The following FRMPD1 variants were observed in gnomAD, a reference collection of about 807,000 sequenced individuals.
The protein encoded by FRMPD1 is FERM and PDZ domain-containing protein 1.
A neutral mutation model predicts 117.8 loss-of-function variants in FRMPD1; 76 were observed. That is an observed-to-expected ratio of 0.65 (90% CI 0.54 to 0.78). The LOEUF is 0.78. FRMPD1 is among the 30% of genes least tolerant of loss of function. The pLI, the probability that FRMPD1 is intolerant of heterozygous loss-of-function variation, is 0.00. For synonymous variants in FRMPD1, 783 were observed against 770.4 expected, an observed-to-expected ratio of 1.02 and a Z score of -0.27; for missense variants, 1,786 against 1,964.5, an observed-to-expected ratio of 0.91 and a Z score of 1.72.
chr9:37,745,168 T>C lies in FRMPD1; in HGVS notation c.3136T>C (p.Leu1046=), dbSNP rs751118932. 4 of 1,614,008 alleles carry C rather than the reference T, an allele frequency of 2.5e-6. No individual in the cohort carries two copies. The highest frequency in any genetic ancestry group is 2.7e-5 in the African/African-American group (2 of 75,044). Residue 1046 remains leucine (L), a synonymous_variant, in exon 16 of 16, where the codon TTG becomes CTG. Coordinates refer to ENST00000377765, the MANE Select transcript of FRMPD1 (RefSeq NM_014907.3). ...TCAAGGAGACACACTAGAGCTCCAGTTGGAGCCCCATGTCCAGTTGGAAAT... is the reference window on the plus strand; with the variant it reads ...TCAAGGAGACACACTAGAGCTCCAGCTGGAGCCCCATGTCCAGTTGGAAAT... The part of the protein sequence containing the change: ...VSQGDTLELQ[L]EPHVQLEMGL...
intron 6 of FRMPD1, among the ~76,000 whole-genome samples, chr9:37,722,015 C>A (rs1823420361): frequency 6.6e-6 from 1 of 152,068 alleles, no homozygotes; most frequent in Non-Finnish European, 1.5e-5. Flanking sequence ...TCTTTGTAAA[C>A]CTTTTAAATC....
At chr9:37,654,881 A>G (rs1042068430) in intron 1 of FRMPD1, among the ~76,000 whole-genome samples, 2 of 152,216 alleles carry the variant, frequency 1.3e-5, no homozygotes, top group Non-Finnish European at 2.9e-5. Context: ...TTTCACTTGC[A>G]GGATCAGGCC....
chr9:37,630,528 G>A, the FRMPD1 span, among the ~76,000 whole-genome samples: 1 of 151,994 alleles, frequency 6.6e-6, no homozygotes, highest in African/African-American at 2.4e-5. Flanking sequence ...TTACAGGCTT[G>A]GGCCACCAGT....
chr9:37,708,853 G>A (rs1030289682), intron 4 of FRMPD1, among the ~76,000 whole-genome samples: 2 of 152,174 alleles, frequency 1.3e-5, no homozygotes, highest in African/African-American at 4.8e-5. Context: ...TGTAACATAT[G>A]CCAAAGATTG....
intron 6 of FRMPD1, among the ~76,000 whole-genome samples, chr9:37,721,367 A>T (rs1017568759): frequency 6.6e-6 from 1 of 152,238 alleles, no homozygotes; most frequent in East Asian, 1.9e-4. Flanking sequence ...CCTTAGATAC[A>T]CAATCACTGT....
intron 7 of FRMPD1, among the ~76,000 whole-genome samples, chr9:37,726,084 A>G (rs1823604392): frequency 6.6e-6 from 1 of 152,256 alleles, no homozygotes; most frequent in African/African-American, 2.4e-5. Flanking sequence ...AGTTGGGGAA[A>G]TGAACAAGGA....
intron 1 of FRMPD1, among the ~76,000 whole-genome samples, chr9:37,689,644 C>A (rs2118005738): frequency 6.6e-6 from 1 of 152,286 alleles, no homozygotes; most frequent in South Asian, 2.1e-4. Flanking sequence ...TGCTGGATCT[C>A]ATTTCTTTTG....
intron 2 of FRMPD1, among the ~76,000 whole-genome samples, chr9:37,701,373 G>A (rs150476853): frequency 6.6e-6 from 1 of 152,262 alleles, no homozygotes; most frequent in African/African-American, 2.4e-5. Flanking sequence ...ACTTTGCACT[G>A]GTCTGTAGGT....
At chr9:37,666,292 G>C (rs543813721) in intron 1 of FRMPD1, among the ~76,000 whole-genome samples, 1 of 152,152 alleles carries the variant, frequency 6.6e-6, no homozygotes, top group African/African-American at 2.4e-5. Flanking sequence ...AGTGTCTACT[G>C]TGAGCAAGGC....
rs1360084790 is a variant in FRMPD1, at chr9:37,724,206, A to G, written c.517-19A>G. The G allele has an allele frequency of 8.3e-6, 11 of 1,333,058 alleles. No individual in the cohort carries two copies. Among genetic ancestry groups the G allele is most frequent in the Non-Finnish European group, 9.7e-6 (9 of 923,762 alleles). The allele number at this position is 1,333,058 out of a possible 1,614,324, so 82.6% of individuals were successfully genotyped here. On this transcript the variant is annotated intron_variant, in intron 6 of 15. Transcript: ENST00000377765. ...AATAAAAAAAGACAGGGATACAACA[A>G]TACTCTTGTGTTTTCCAGGGTAATT...
At chr9:37,713,985 C>T (rs1439196066) in intron 5 of FRMPD1, among the ~76,000 whole-genome samples, 2 of 152,176 alleles carry the variant, frequency 1.3e-5, no homozygotes, top group African/African-American at 4.8e-5. Context: ...GTGTTGTCTC[C>T]TCTCTGTATT....
the FRMPD1 span, among the ~76,000 whole-genome samples, chr9:37,612,241 C>A: frequency 6.6e-6 from 1 of 152,218 alleles, no homozygotes; most frequent in Non-Finnish European, 1.5e-5. Context: ...TGCACAGTGG[C>A]TCTCTGTGGG....
chr9:37,715,865 C>G (rs1823096703), intron 5 of FRMPD1, among the ~76,000 whole-genome samples: 1 of 152,146 alleles, frequency 6.6e-6, no homozygotes, highest in African/African-American at 2.4e-5. Context: ...AAGAACGGCC[C>G]TTCTTCCCTG....
At chr9:37,703,526 G>A (rs10973500) in intron 2 of FRMPD1, among the ~76,000 whole-genome samples, 37,883 of 151,914 alleles carry the variant, frequency 0.25, 5,173 homozygotes, top group South Asian at 0.38. Flanking sequence ...ATTTTCAGCT[G>A]CTTTATTGAT....
chr9:37,725,041 C>T (rs1823561467), intron 7 of FRMPD1, among the ~76,000 whole-genome samples: 1 of 152,156 alleles, frequency 6.6e-6, no homozygotes, highest in South Asian at 2.1e-4. Flanking sequence ...GGGTAGGGTA[C>T]ATATCAATCA....
At chr9:37,703,785 C>A (rs1410154340) in intron 2 of FRMPD1, among the ~76,000 whole-genome samples, 2 of 152,238 alleles carry the variant, frequency 1.3e-5, no homozygotes, top group Non-Finnish European at 2.9e-5. Context: ...TTAATGGAAT[C>A]ATACAATATG....
At chr9:37,650,588 G>T (rs1189591264), upstream of FRMPD1, among the ~76,000 whole-genome samples, 1 of 152,210 alleles carries the variant, frequency 6.6e-6, no homozygotes, top group Non-Finnish European at 1.5e-5. Context: ...TGAGAAGGGG[G>T]TCGTTTTGGG....
rs757186394 is a variant in FRMPD1, at chr9:37,740,880, G to T, written c.2352G>T (p.Pro784=). The change falls in exon 15 of 16, where the codon CCG becomes CCT. Residue 784 remains proline (P), a synonymous_variant. Transcript: ENST00000377765. This position sits in a 1 kb window ranked among gnomAD's most constrained non-coding sequence, Gnocchi z 4.2. ...ATAAGCTCACTCCCCCAGGCCCCCCGTCAGGTGAGCCGTCCCTTGCAGGTC... is the reference window on the plus strand; with the variant it reads ...ATAAGCTCACTCCCCCAGGCCCCCCTTCAGGTGAGCCGTCCCTTGCAGGTC... The part of the protein sequence containing the change: ...AADKLTPPGP[P]SGPRDVSTAE... 8.1e-6 allele frequency: 13 copies of T among 1,612,890 alleles called. No individual in the cohort carries two copies. In the East Asian group the frequency reaches 2.5e-4, roughly 30 times the overall value.
At chr9:37,637,896 G>A in the FRMPD1 span, among the ~76,000 whole-genome samples, 1 of 150,440 alleles carries the variant, frequency 6.6e-6, no homozygotes, top group East Asian at 2.1e-4. Context: ...ATCACTGAGT[G>A]TTAGCTTTTG....
Sources: allele counts gnomAD v4.1 joint callset (sites outside exome capture counted in the v4.1 genomes callset), GRCh38; gene constraint gnomAD v4.1.1; non-coding constraint Gnocchi (gnomAD v3.1); transcripts MANE v1.5; gene names NCBI Gene and HGNC (gene_info 2026-07-23, HGNC 2026-07-21).